The following RYR3 variants were observed in gnomAD, a reference collection of about 807,000 sequenced individuals.
RYR3 encodes the protein ryanodine receptor 3.
In RYR3, 207 loss-of-function variants were observed where a neutral mutation model predicts 584.3. The ratio of observed to expected loss-of-function variants is 0.35; its 90% CI spans 0.32 to 0.40. The LOEUF (loss-of-function observed/expected upper bound fraction) is 0.40, where lower values mean the gene tolerates loss of function less well. RYR3 is among the 10% of genes least tolerant of loss of function. The probability of loss-of-function intolerance (pLI) is 1.00; values close to 1 mark genes in which losing one functional copy is unlikely to be tolerated. For missense variants in RYR3, 5,616 were observed against 6,089.2 expected (o/e 0.92, Z 2.59); for synonymous variants, 2,416 against 2,248.5 (o/e 1.07, Z -2.11).
chr15:33,774,880 A>T (rs923068934), intron 64 of RYR3, among the ~76,000 whole-genome samples: 5 of 152,222 alleles, frequency 3.3e-5, no homozygotes, highest in Non-Finnish European at 7.3e-5. Flanking sequence ...CTTGAGGCAG[A>T]TGTTTTTAGT....
At chr15:33,699,921 C>G (rs1374596842) in intron 41 of RYR3, 88 bp downstream of exon 41, 6 of 1,306,734 alleles carry the variant, frequency 4.6e-6, no homozygotes, top group Non-Finnish European at 6.4e-6. Flanking sequence ...GGGAAAGGAG[C>G]CACATGCACG....
chr15:33,584,340 CA>C, intron 14 of RYR3, 54 bp from the exon 15 acceptor site: 1 of 916,766 alleles, frequency 1.1e-6, no homozygotes, highest in Non-Finnish European at 1.7e-6. Flanking sequence ...TCCAAGTTCT[CA>C]CGCCCATCAT....
chr15:33,795,878 C>A (rs1409276988), intron 67 of RYR3, among the ~76,000 whole-genome samples: 1 of 152,052 alleles, frequency 6.6e-6, no homozygotes, highest in Admixed American at 6.5e-5. Context: ...TAGCCTCCTT[C>A]CTAGGAGTCA....
intron 73 of RYR3, 117 bp from the exon 74 acceptor site, chr15:33,813,350 A>C (rs2076646639): frequency 2.4e-6 from 2 of 829,364 alleles, no homozygotes; most frequent in Non-Finnish European, 2.0e-6. Flanking sequence ...GCATTTTGCT[A>C]ACTACAGTTG....
rs372606001 is a variant in RYR3 at position 33,801,839 on chromosome 15, T to C, written c.9919-30T>C. 111 of 1,166,628 alleles carry C rather than the reference T, an allele frequency of 9.5e-5. No individual in the cohort carries two copies. In the African/African-American group the frequency reaches 1.5e-3, roughly 16 times the overall value. The allele number at this position is 1,166,628 out of a possible 1,614,324, so 72.3% of individuals were successfully genotyped here. ...TTTGGTTTACAGAACTTTCTTGTAA[T>C]GTTTGCTGTTTCAATTCTTTCCCAC... On this transcript the variant is annotated intron_variant, in intron 68 of 103. Coordinates refer to ENST00000634891, the MANE Select transcript of RYR3 (RefSeq NM_001036.6).
chr15:33,699,196 A>G (rs2066081163), intron 40 of RYR3, among the ~76,000 whole-genome samples: 1 of 150,170 alleles, frequency 6.7e-6, no homozygotes, highest in African/African-American at 2.5e-5. Flanking sequence ...GGTGGGCCTT[A>G]TGTGTCTACG....
chr15:33,410,909 C>T (rs771092518), intron 1 of RYR3, among the ~76,000 whole-genome samples: 7 of 152,266 alleles, frequency 4.6e-5, no homozygotes, highest in East Asian at 1.9e-4. Context: ...TCTTACATGG[C>T]GGCAGGCAAC....
At chr15:33,355,514 G>A (rs989028384) in intron 1 of RYR3, among the ~76,000 whole-genome samples, 3 of 152,152 alleles carry the variant, frequency 2.0e-5, no homozygotes, top group South Asian at 4.1e-4. Context: ...AGCTGACATC[G>A]CTAATAAGCA....
Position 33,699,842 on chromosome 15 carries a change from GTCT to G in RYR3, c.6379+14_6379+16del, listed in dbSNP as rs760813893. 1 of 1,607,046 alleles carries G rather than the reference GTCT, an allele frequency of 6.2e-7. No individual in the cohort carries two copies. Among genetic ancestry groups the G allele is most frequent in the Non-Finnish European group, 8.5e-7 (1 of 1,174,654 alleles). On this transcript the variant is annotated intron_variant, in intron 41 of 103. Coordinates refer to ENST00000634891, the MANE Select transcript of RYR3 (RefSeq NM_001036.6). Reference sequence around the variant, plus strand: ...TAGCAGTGTTGGCCTAGGTGCGTAAGTCTTCTTGTAACTTCCACATCCAAACTC... The same window carrying G: ...TAGCAGTGTTGGCCTAGGTGCGTAAGTCTTGTAACTTCCACATCCAAACTC...
chr15:33,425,980 G>A (rs904827161), intron 1 of RYR3, among the ~76,000 whole-genome samples: 5 of 152,064 alleles, frequency 3.3e-5, no homozygotes, highest in African/African-American at 1.2e-4. Flanking sequence ...AAAATATACT[G>A]ATATGTTCCT....
At chr15:33,664,589 G>GTGTGTATATATATATATATATATA (rs577496539) in intron 36 of RYR3, among the ~76,000 whole-genome samples, 6 of 91,376 alleles carry the variant, frequency 6.6e-5, no homozygotes, top group African/African-American at 2.2e-4. Context: ...GTGTGTGTGT[G>GTGTGTATATATATATATATATATA]TATATATATA....
At chr15:33,473,642 G>A in intron 2 of RYR3, 104 bp downstream of exon 2, 1 of 1,154,562 alleles carries the variant, frequency 8.7e-7, no homozygotes, top group Non-Finnish European at 1.2e-6. Flanking sequence ...ACATTTGAAA[G>A]GACACATTTA....
intron 15 of RYR3, 93 bp downstream of exon 15, chr15:33,584,583 G>A: frequency 4.8e-6 from 3 of 624,078 alleles, no homozygotes; most frequent in African/African-American, 1.9e-5. Context: ...CTTTTCCAAT[G>A]GATTGCAAAC....
intron 1 of RYR3, among the ~76,000 whole-genome samples, chr15:33,445,871 T>A (rs1161435052): frequency 6.6e-6 from 1 of 152,140 alleles, no homozygotes; most frequent in Admixed American, 6.6e-5. Context: ...TTTTGTACTG[T>A]TATAAAGAGC....
At chr15:33,622,500 C>T (rs1044575232) in intron 19 of RYR3, among the ~76,000 whole-genome samples, 26 of 152,228 alleles carry the variant, frequency 1.7e-4, no homozygotes, top group Non-Finnish European at 3.4e-4. Context: ...AAAACCCCAT[C>T]AGATGTCTCC....
intron 98 of RYR3, 95 bp downstream of exon 98, chr15:33,855,007 T>C (rs2079495164): frequency 1.6e-6 from 2 of 1,245,370 alleles, no homozygotes; most frequent in Non-Finnish European, 2.1e-6. Context: ...GGAAGGAATA[T>C]GTCTTGGTAT....
intron 36 of RYR3, among the ~76,000 whole-genome samples, chr15:33,666,267 G>C (rs973797976): frequency 6.6e-6 from 1 of 152,168 alleles, no homozygotes; most frequent in Non-Finnish European, 1.5e-5. Context: ...GCTTCCCCAA[G>C]TGCTGGGATT....
chr15:33,659,696 C>G (rs1458457600), intron 32 of RYR3, 24 bp from the exon 33 acceptor site: 1 of 1,541,246 alleles, frequency 6.5e-7, no homozygotes. Context: ...CTGGGCAAAG[C>G]TTTCGATTTG....
rs559575549 is a variant in RYR3, at chr15:33,598,850, G to A, written c.1789-2569G>A. Reference sequence around the variant, plus strand: ...GGGTGGATCACAAGGTCAGGAGATCGAGACCATCCTGGCTAACACGGTGAA... The same window carrying A: ...GGGTGGATCACAAGGTCAGGAGATCAAGACCATCCTGGCTAACACGGTGAA... On this transcript the variant is annotated intron_variant, in intron 16 of 103. Transcript: ENST00000634891. Among the ~76,000 whole-genome samples, 238 of 152,110 alleles carry A rather than the reference G, an allele frequency of 1.6e-3. 1 individual carries two copies. Among genetic ancestry groups the A allele is most frequent in the African/African-American group, 5.4e-3 (223 of 41,502 alleles).
Sources: gnomAD v4.1 joint callset for allele counts (sites outside exome capture counted in the v4.1 genomes callset) on GRCh38, gnomAD v4.1.1 for gene constraint, MANE v1.5 for transcripts, NCBI Gene and HGNC (gene_info 2026-07-23, HGNC 2026-07-21) for gene names.